The following BAIAP2 variants were observed in gnomAD, a reference collection of about 807,000 sequenced individuals.
BAIAP2 encodes the protein BAR/IMD domain-containing adapter protein 2.
BAIAP2 carries 18 observed loss-of-function variants against 63.0 expected under a neutral mutation model. That is an observed-to-expected ratio of 0.29 (90% CI 0.20 to 0.42). The LOEUF (loss-of-function observed/expected upper bound fraction) is 0.42, where lower values mean the gene tolerates loss of function less well. Among genes scored for constraint, BAIAP2 ranks in the 10% least tolerant of loss-of-function variants. The pLI is 1.00. For synonymous variants in BAIAP2, 386 were observed against 307.6 expected (o/e 1.25, Z -2.67); for missense variants, 610 against 734.3 (o/e 0.83, Z 1.96).
intron 6 of BAIAP2, among the ~76,000 whole-genome samples, chr17:81,097,192 G>C (rs2057772013): frequency 6.6e-6 from 1 of 152,234 alleles, no homozygotes; most frequent in South Asian, 2.1e-4. Context: ...ACTGGGGATA[G>C]GAGTAGCAAG....
At chr17:81,068,845 G>C (rs1451548838) in intron 3 of BAIAP2, among the ~76,000 whole-genome samples, 1 of 152,222 alleles carries the variant, frequency 6.6e-6, no homozygotes, top group Non-Finnish European at 1.5e-5. Context: ...GTTCCTGGCT[G>C]TGGGAGGTGC....
At chr17:81,098,027 G>A (rs2057926639) in intron 6 of BAIAP2, 1 of 1,068,120 alleles carries the variant, frequency 9.4e-7, no homozygotes, top group East Asian at 3.2e-5. Context: ...CTGTGCCATA[G>A]GGCTGTGGTG....
chr17:81,074,680 G>T (rs1000557573), intron 3 of BAIAP2, among the ~76,000 whole-genome samples: 7 of 150,740 alleles, frequency 4.6e-5, no homozygotes, highest in African/African-American at 1.7e-4. Context: ...ATGCGTATGA[G>T]TGCCTGTGTG....
intron 3 of BAIAP2, among the ~76,000 whole-genome samples, chr17:81,082,058 C>T (rs2054704945): frequency 6.6e-6 from 1 of 152,006 alleles, no homozygotes; most frequent in East Asian, 1.9e-4. Flanking sequence ...CTGTCCTGCT[C>T]CCTCCTGGCC....
At chr17:81,049,769 C>T (rs1162060302) in intron 1 of BAIAP2, among the ~76,000 whole-genome samples, 2 of 152,254 alleles carry the variant, frequency 1.3e-5, no homozygotes, top group Admixed American at 1.3e-4. Context: ...GACCCCCAGG[C>T]ACTGCAAAGT....
At chr17:81,059,084 C>T (rs1210447833) in intron 3 of BAIAP2, among the ~76,000 whole-genome samples, 1 of 152,220 alleles carries the variant, frequency 6.6e-6, no homozygotes, top group Non-Finnish European at 1.5e-5. Context: ...GGCAGACCTG[C>T]CGGCCGCACT....
chr17:81,101,212 G>A (rs936001207), intron 7 of BAIAP2, among the ~76,000 whole-genome samples: 2 of 152,134 alleles, frequency 1.3e-5, no homozygotes, highest in East Asian at 1.9e-4. Context: ...CCTGGGATCC[G>A]CCATGTCCCA....
At chr17:81,115,147 T>C (rs1303351977) in intron 13 of BAIAP2, among the ~76,000 whole-genome samples, 1 of 152,176 alleles carries the variant, frequency 6.6e-6, no homozygotes, top group African/African-American at 2.4e-5. Context: ...CCCGGGGATA[T>C]GGGGGAGGGC....
intron 6 of BAIAP2, among the ~76,000 whole-genome samples, chr17:81,095,998 C>T (rs772181034): frequency 1.3e-5 from 2 of 152,146 alleles, no homozygotes; most frequent in Non-Finnish European, 2.9e-5. Context: ...GGTGGGCAAC[C>T]GGAGCAGCTC....
intron 6 of BAIAP2, among the ~76,000 whole-genome samples, chr17:81,097,964 C>T (rs1665403129): frequency 6.6e-6 from 1 of 152,212 alleles, no homozygotes; most frequent in South Asian, 2.1e-4. Context: ...GTCGAGCCCT[C>T]CCACTGTCGG....
rs1158886088 is a variant in BAIAP2 at position 81,046,076 on chromosome 17, T to TTA, written c.55-7592_55-7591insTA. On this transcript the variant is annotated intron_variant, in intron 1 of 13. Coordinates refer to ENST00000428708, the MANE Select transcript of BAIAP2 (RefSeq NM_001144888.2). This position sits in a 1 kb window ranked among gnomAD's most constrained non-coding sequence, Gnocchi z 4.5. Reference sequence around the variant, plus strand: ...CTCCCCTCGGCTGTGGGGACCCTATTAATACTCACAGGGAGGCAGAGCTGC... The same window carrying TTA: ...CTCCCCTCGGCTGTGGGGACCCTATTTAAATACTCACAGGGAGGCAGAGCTGC... Among the ~76,000 whole-genome samples the TTA allele has an allele frequency of 6.6e-6, 1 of 152,050 alleles. No individual in the cohort carries two copies. Among genetic ancestry groups the TTA allele is most frequent in the East Asian group, 1.9e-4 (1 of 5,176 alleles).
intron 5 of BAIAP2, 120 bp from the exon 6 acceptor site, chr17:81,086,323 G>T (rs2055634456): frequency 4.9e-6 from 6 of 1,217,622 alleles, no homozygotes; most frequent in Middle Eastern, 2.5e-4. Context: ...GGAAGGGAGT[G>T]GCAGGGCTGG....
chr17:81,072,816 T>C (rs1222951424), intron 3 of BAIAP2, among the ~76,000 whole-genome samples: 1 of 151,972 alleles, frequency 6.6e-6, no homozygotes, highest in Non-Finnish European at 1.5e-5. Context: ...AGTGGGGCTG[T>C]CTGCTGAGCA....
chr17:81,079,814 C>T (rs2054290611), intron 3 of BAIAP2, among the ~76,000 whole-genome samples: 1 of 152,154 alleles, frequency 6.6e-6, no homozygotes, highest in South Asian at 2.1e-4. Flanking sequence ...GTGCTGTGGA[C>T]CAGACGTGGG....
chr17:81,104,656 C>A lies in BAIAP2; in HGVS notation c.1209C>A (p.Thr403=), dbSNP rs1031370457. 6 of 1,607,890 alleles carry A rather than the reference C, an allele frequency of 3.7e-6. No homozygotes were observed. The East Asian group carries it at 1.1e-4, about 30-fold the overall frequency. Residue 403 remains threonine (T), a synonymous_variant, in exon 10 of 14, where the codon ACC becomes ACA. Transcript: ENST00000428708. The part of the protein sequence containing the change: ...LLSFKEGDLI[T]LLVPEARDGW... ...GCTTCAAGGAGGGTGACCTCATTAC[C>A]CTGCTGGTGCCTGAGGCCCGCGATG...
intron 1 of BAIAP2, among the ~76,000 whole-genome samples, chr17:81,048,428 G>A (rs1163093489): frequency 1.3e-5 from 2 of 151,780 alleles, no homozygotes; most frequent in African/African-American, 4.8e-5. Flanking sequence ...CCCAGGAGTG[G>A]GCAGGAGAGC....
intron 6 of BAIAP2, chr17:81,098,112 G>T: frequency 1.4e-6 from 2 of 1,393,970 alleles, no homozygotes; most frequent in Non-Finnish European, 1.9e-6. Context: ...CGGGGGGTGG[G>T]GAGGCATGCT....
At chr17:81,059,321 A>G (rs762620558) in intron 3 of BAIAP2, among the ~76,000 whole-genome samples, 2 of 152,214 alleles carry the variant, frequency 1.3e-5, no homozygotes, top group African/African-American at 4.8e-5. Flanking sequence ...TGTGAGATGC[A>G]TGGTGTTAGG....
intron 1 of BAIAP2, among the ~76,000 whole-genome samples, chr17:81,051,503 G>A (rs1568077106): frequency 6.6e-6 from 1 of 152,024 alleles, no homozygotes; most frequent in Admixed American, 6.5e-5. Flanking sequence ...AGGTTCAAGC[G>A]ATTCTCCTGC....
Sources: gnomAD v4.1 joint callset for allele counts (sites outside exome capture counted in the v4.1 genomes callset) on GRCh38, gnomAD v4.1.1 for gene constraint, Gnocchi (gnomAD v3.1) non-coding constraint, MANE v1.5 for transcripts, NCBI Gene and HGNC (gene_info 2026-07-23, HGNC 2026-07-21) for gene names.